PALLD: variants seen among roughly 807,000 people sequenced by gnomAD.
PALLD encodes palladin.
A neutral mutation model predicts 123.5 loss-of-function variants in PALLD; 61 were observed. That is an observed-to-expected ratio of 0.49 (90% CI 0.40 to 0.61). The LOEUF (loss-of-function observed/expected upper bound fraction) is 0.61, where lower values mean the gene tolerates loss of function less well. PALLD is among the 20% of genes least tolerant of loss of function. The pLI is 0.00. For synonymous variants in PALLD, 465 were observed against 496.4 expected (o/e 0.94, Z 0.84); for missense variants, 1,273 against 1,377.0 (o/e 0.92, Z 1.20).
At chr4:168,509,153 T>C (rs867034720) in intron 1 of PALLD, among the ~76,000 whole-genome samples, 1 of 152,192 alleles carries the variant, frequency 6.6e-6, no homozygotes, top group Non-Finnish European at 1.5e-5. Context: ...ACAATGCAAA[T>C]TATACTGGTG....
chr4:168,761,645 G>GTTTTTTTGTTTTTTTTTT (rs1732873381), intron 10 of PALLD, among the ~76,000 whole-genome samples: 1 of 88,024 alleles, frequency 1.1e-5, no homozygotes, highest in African/African-American at 4.1e-5. Context: ...GTTGTTGTTT[G>GTTTTTTTGTTTTTTTTTT]TTTTTTTTTT....
intron 10 of PALLD, chr4:168,831,945 G>C (rs944489345): frequency 6.4e-6 from 6 of 940,292 alleles, no homozygotes; most frequent in Non-Finnish European, 7.6e-6. Flanking sequence ...TAACCTGGGG[G>C]CCGCGTCCCA....
intron 2 of PALLD, chr4:168,631,774 G>C: frequency 1.0e-6 from 1 of 985,476 alleles, no homozygotes; most frequent in Non-Finnish European, 1.2e-6. Context: ...AATTTTCTCC[G>C]TTGCATTCTG....
intron 10 of PALLD, among the ~76,000 whole-genome samples, chr4:168,746,380 CAAAAAAAAAAAAAAAAAAA>C: frequency 2.7e-5 from 1 of 37,018 alleles, no homozygotes; most frequent in Non-Finnish European, 5.4e-5. Context: ...GAACCCGTCT[CAAAAAAAAAAAAAAAAAAA>C]AAAAAAAAAA....
intron 16 of PALLD, among the ~76,000 whole-genome samples, chr4:168,914,379 G>A (rs888858285): frequency 3.3e-5 from 5 of 152,228 alleles, no homozygotes; most frequent in Non-Finnish European, 5.9e-5. Context: ...ACAGCTGTGT[G>A]AGTGGACGCA....
intron 10 of PALLD, among the ~76,000 whole-genome samples, chr4:168,888,187 T>A (rs1753638264): frequency 6.6e-6 from 1 of 152,230 alleles, no homozygotes; most frequent in African/African-American, 2.4e-5. Flanking sequence ...CTATGGTTCT[T>A]ACTGTCTCAG....
chr4:168,761,663 T>TG (rs1561494007), intron 10 of PALLD, among the ~76,000 whole-genome samples: 1 of 134,818 alleles, frequency 7.4e-6, no homozygotes, highest in Non-Finnish European at 1.6e-5. Context: ...TTTTTTTTTT[T>TG]TTTTTTTTTT....
At chr4:168,724,430 A>G (rs557816864) in intron 10 of PALLD, among the ~76,000 whole-genome samples, 1 of 152,354 alleles carries the variant, frequency 6.6e-6, no homozygotes, top group African/African-American at 2.4e-5. Context: ...TATTACAAGT[A>G]TGAAACCAGA....
intron 1 of PALLD, among the ~76,000 whole-genome samples, chr4:168,500,232 T>C (rs1761255671): frequency 6.6e-6 from 1 of 152,258 alleles, no homozygotes; most frequent in African/African-American, 2.4e-5. Flanking sequence ...TTCTACTTAC[T>C]AGACTCTGCT....
At chr4:168,661,094 G>T (rs1055980517) in intron 2 of PALLD, among the ~76,000 whole-genome samples, 1 of 151,828 alleles carries the variant, frequency 6.6e-6, no homozygotes, top group African/African-American at 2.4e-5. Flanking sequence ...TAGTAGAGAC[G>T]GGGTTTCACC....
At chr4:168,791,538 A>G (rs1265070536) in intron 10 of PALLD, among the ~76,000 whole-genome samples, 1 of 152,158 alleles carries the variant, frequency 6.6e-6, no homozygotes, top group Non-Finnish European at 1.5e-5. Flanking sequence ...AAGCCATCAG[A>G]TCTGGTGAGA....
rs569121594 is a variant in PALLD at position 168,520,304 on chromosome 4, T to C, written c.908+7892T>C. ...TGGCGCCACTGCACTCCAGGCTGGG[T>C]GACAGAGCGAAGATTCCGTCACCAA... On this transcript the variant is annotated intron_variant, in intron 2 of 21. Transcript: ENST00000505667. 9.8e-4 allele frequency among the ~76,000 whole-genome samples: 119 copies of C among 121,460 alleles called. No individual in the cohort carries two copies. The South Asian group carries it at 0.017, about 18-fold the overall frequency. The allele number at this position is 121,460 out of a possible 152,430, so 79.7% of individuals were successfully genotyped here. A position where few individuals can be genotyped will look rare whatever the true frequency, so the allele number is the denominator to read the frequency against.
At chr4:168,634,270 G>A (rs1429939293) in intron 2 of PALLD, among the ~76,000 whole-genome samples, 2 of 152,090 alleles carry the variant, frequency 1.3e-5, no homozygotes, top group African/African-American at 2.4e-5. Flanking sequence ...CATAAACTTC[G>A]AGCTTTCCTG....
intron 10 of PALLD, among the ~76,000 whole-genome samples, chr4:168,816,817 C>CGTGTGTGT (rs61010592): frequency 4.5e-5 from 5 of 111,028 alleles, no homozygotes; most frequent in East Asian, 2.7e-4. Context: ...GAGCTAGCCC[C>CGTGTGTGT]GTGTGTGTGT....
At chr4:168,778,066 A>C (rs1735415273) in intron 10 of PALLD, among the ~76,000 whole-genome samples, 1 of 152,234 alleles carries the variant, frequency 6.6e-6, no homozygotes, top group Non-Finnish European at 1.5e-5. Flanking sequence ...GGGAGAGCAC[A>C]GTGAAGGATG....
chr4:168,714,849 A>G (rs1045633440), intron 10 of PALLD, among the ~76,000 whole-genome samples: 12 of 150,880 alleles, frequency 8.0e-5, no homozygotes, highest in African/African-American at 2.7e-4. Context: ...AAAGAAGATC[A>G]TTTTCAAAAA....
At chr4:168,784,180 T>G (rs2150566769) in intron 10 of PALLD, among the ~76,000 whole-genome samples, 1 of 152,098 alleles carries the variant, frequency 6.6e-6, no homozygotes, top group East Asian at 1.9e-4. Flanking sequence ...ACATCTGAAT[T>G]CTTAACCAAT....
intron 2 of PALLD, among the ~76,000 whole-genome samples, chr4:168,568,296 A>G: frequency 6.6e-6 from 1 of 152,124 alleles, no homozygotes; most frequent in Admixed American, 6.6e-5. Flanking sequence ...ACTGAAAAGC[A>G]TCCTACTTGT....
chr4:168,911,300 A>C (rs1405699757), intron 15 of PALLD, among the ~76,000 whole-genome samples: 3 of 152,216 alleles, frequency 2.0e-5, no homozygotes, highest in Non-Finnish European at 2.9e-5. Context: ...TTTAAGTCTG[A>C]ATTTAACTTA....
Sources: gnomAD v4.1 joint callset for allele counts (sites outside exome capture counted in the v4.1 genomes callset) on GRCh38, gnomAD v4.1.1 for gene constraint, MANE v1.5 for transcripts, NCBI Gene and HGNC (gene_info 2026-07-23, HGNC 2026-07-21) for gene names.